The following FSTL4 variants were observed in gnomAD, a reference collection of about 807,000 sequenced individuals.
FSTL4 encodes the protein follistatin like 4, also known as follistatin-related protein 4.
Under a neutral mutation model 78.2 loss-of-function variants are expected in FSTL4, and 28 were observed. That is an observed-to-expected ratio of 0.36 (90% confidence interval 0.27 to 0.49). The LOEUF (loss-of-function observed/expected upper bound fraction) is 0.49, where lower values mean the gene tolerates loss of function less well. Among genes scored for constraint, FSTL4 ranks in the 20% least tolerant of loss-of-function variants. The pLI, the probability that FSTL4 is intolerant of heterozygous loss-of-function variation, is 0.98. For missense variants in FSTL4, 922 were observed against 1,084.9 expected, an observed-to-expected ratio of 0.85 and a Z score of 2.11; for synonymous variants, 422 against 440.5, an observed-to-expected ratio of 0.96 and a Z score of 0.53.
chr5:133,231,193 A>AT lies in FSTL4; in HGVS notation c.1015+2223_1015+2224insA, dbSNP rs1396042375. Among the ~76,000 whole-genome samples, 3 of 151,468 alleles carry AT rather than the reference A, an allele frequency of 2.0e-5. No individual in the cohort carries two copies. The East Asian group carries it at 5.8e-4, about 29-fold the overall frequency. The stretch of plus-strand genomic sequence containing the variant: ...TCTCCTACCTTGGAAAAAAAAAAAA[A>AT]CCCTTCTCTTTATCCCAGTTTCTCT... On this transcript the variant is annotated intron_variant, in intron 8 of 15. Transcript: ENST00000265342.
the FSTL4 span, among the ~76,000 whole-genome samples, chr5:133,751,380 C>T: frequency 6.6e-6 from 1 of 152,214 alleles, no homozygotes; most frequent in Non-Finnish European, 1.5e-5. Context: ...TTTGTCATTC[C>T]AGTGGCCTAG....
the FSTL4 span, among the ~76,000 whole-genome samples, chr5:133,737,156 T>A: frequency 1.3e-5 from 2 of 152,126 alleles, no homozygotes; most frequent in African/African-American, 4.8e-5. Context: ...TGCTATCACA[T>A]AGTAGGTTTT....
chr5:133,407,867 G>T (rs1467378198), intron 3 of FSTL4, among the ~76,000 whole-genome samples: 1 of 152,214 alleles, frequency 6.6e-6, no homozygotes, highest in Non-Finnish European at 1.5e-5. Context: ...GTGAGCATAT[G>T]TTAAAGCTGT....
At chr5:133,491,565 A>AATTGTATTTTTGTATTTTTTTGT (rs553929655) in intron 3 of FSTL4, among the ~76,000 whole-genome samples, 291 of 151,918 alleles carry the variant, frequency 1.9e-3, no homozygotes, top group Middle Eastern at 0.01. Flanking sequence ...ACGCCTGGCT[A>AATTGTATTTTTGTATTTTTTTGT]ATTTTTTTGT....
At chr5:133,785,564 C>G in the FSTL4 span, among the ~76,000 whole-genome samples, 1 of 152,134 alleles carries the variant, frequency 6.6e-6, no homozygotes, top group South Asian at 2.1e-4. Flanking sequence ...ACTTGTTTTT[C>G]TTGGCCTCAG....
At chr5:133,721,844 G>A in the FSTL4 span, among the ~76,000 whole-genome samples, 1 of 152,136 alleles carries the variant, frequency 6.6e-6, no homozygotes, top group African/African-American at 2.4e-5. Context: ...GAAGTTTTCA[G>A]TAATTATTTT....
chr5:133,841,558 C>A, the FSTL4 span, among the ~76,000 whole-genome samples: 1 of 152,108 alleles, frequency 6.6e-6, no homozygotes, highest in African/African-American at 2.4e-5. Flanking sequence ...TACACATGTC[C>A]ATTCTCTCTT....
At chr5:133,667,212 T>C in the FSTL4 span, among the ~76,000 whole-genome samples, 26 of 133,284 alleles carry the variant, frequency 2.0e-4, no homozygotes, top group African/African-American at 7.5e-4. Context: ...TAATTCACTT[T>C]CAATTTATTA....
chr5:133,395,276 C>T (rs925767791), intron 4 of FSTL4, among the ~76,000 whole-genome samples: 1 of 152,178 alleles, frequency 6.6e-6, no homozygotes, highest in African/African-American at 2.4e-5. Context: ...TCTGCAGCTT[C>T]ACTTCTGAGG....
Position 133,220,835 on chromosome 5 carries a change from G to A in FSTL4, c.1371C>T (p.Phe457=), listed in dbSNP as rs201153166. ...GGATGACGATGATACCGTCGTCGGA[G>A]AAGACATAGAACATGTTTCCCACGC... ...GLSVGNMFYV[F]SDDGIIVIHP... The change falls in exon 12 of 16, where the codon TTC becomes TTT. Residue 457 remains phenylalanine, a synonymous_variant. Transcript: ENST00000265342. 1 of 1,611,990 alleles carries A rather than the reference G, an allele frequency of 6.2e-7. No individual in the cohort carries two copies. Among genetic ancestry groups the A allele is most frequent in the Non-Finnish European group, 8.5e-7 (1 of 1,178,048 alleles).
intron 3 of FSTL4, among the ~76,000 whole-genome samples, chr5:133,488,411 C>A (rs528096724): frequency 1.3e-5 from 2 of 152,288 alleles, no homozygotes; most frequent in South Asian, 4.1e-4. Flanking sequence ...CCCACCACCA[C>A]ATCCAGCTAA....
intron 3 of FSTL4, among the ~76,000 whole-genome samples, chr5:133,561,038 G>A (rs946175545): frequency 4.6e-5 from 7 of 150,864 alleles, no homozygotes; most frequent in East Asian, 2.0e-4. Context: ...GCAGTGAGCC[G>A]AGATCGCACC....
chr5:133,251,218 C>T (rs1179744857), intron 6 of FSTL4, among the ~76,000 whole-genome samples: 1 of 152,054 alleles, frequency 6.6e-6, no homozygotes, highest in African/African-American at 2.4e-5. Context: ...TGAGAATTTG[C>T]TAAAATGGTT....
At chr5:133,299,375 C>T (rs966420970) in intron 6 of FSTL4, among the ~76,000 whole-genome samples, 3 of 152,236 alleles carry the variant, frequency 2.0e-5, no homozygotes, top group Non-Finnish European at 4.4e-5. Context: ...AGCCCTTAAC[C>T]AGCAGCACAT....
intron 6 of FSTL4, among the ~76,000 whole-genome samples, chr5:133,260,464 C>T (rs1752491504): frequency 6.6e-6 from 1 of 152,228 alleles, no homozygotes. Flanking sequence ...GAGCGTGCCA[C>T]AGTGGCTGAT....
intron 2 of FSTL4, among the ~76,000 whole-genome samples, chr5:133,570,843 G>A (rs549804834): frequency 2.0e-5 from 3 of 152,228 alleles, no homozygotes; most frequent in South Asian, 4.2e-4. Flanking sequence ...TCCCCTTTGC[G>A]ACATTTGCTG....
chr5:133,213,012 G>T (rs983696673), intron 13 of FSTL4, among the ~76,000 whole-genome samples: 2 of 128,894 alleles, frequency 1.6e-5, no homozygotes, highest in East Asian at 2.2e-4. Flanking sequence ...AGAAAGTAAA[G>T]ATTTTTTTTT....
At chr5:133,471,559 T>C (rs1007843881) in intron 3 of FSTL4, among the ~76,000 whole-genome samples, 8 of 152,288 alleles carry the variant, frequency 5.3e-5, no homozygotes, top group African/African-American at 1.9e-4. Flanking sequence ...GTGCCATCTA[T>C]GAACCAGAAA....
At chr5:133,744,172 C>A in the FSTL4 span, among the ~76,000 whole-genome samples, 1 of 152,194 alleles carries the variant, frequency 6.6e-6, no homozygotes, top group Non-Finnish European at 1.5e-5. Context: ...GAGTCACCTG[C>A]AACCCAAAGA....
Sources: allele counts gnomAD v4.1 joint callset (sites outside exome capture counted in the v4.1 genomes callset), GRCh38; gene constraint gnomAD v4.1.1; transcripts MANE v1.5; gene names NCBI Gene and HGNC (gene_info 2026-07-23, HGNC 2026-07-21).